COL5A1: variants seen among roughly 807,000 people sequenced by gnomAD.
The protein encoded by COL5A1 is collagen type V alpha 1 chain, also known as collagen alpha-1(V) chain.
Under a neutral mutation model 263.7 loss-of-function variants are expected in COL5A1, and 16 were observed. The ratio of observed to expected loss-of-function variants is 0.06; its 90% CI spans 0.04 to 0.09. COL5A1 has a LOEUF of 0.09. COL5A1 is among the 10% of genes least tolerant of loss of function. COL5A1 has a pLI of 1.00. For missense variants in COL5A1, 2,036 were observed against 2,540.5 expected (o/e 0.80, Z 4.27); for synonymous variants, 1,012 against 1,004.5 (o/e 1.01, Z -0.14).
At chr9:134,778,918 C>T (rs1299923203) in intron 27 of COL5A1, among the ~76,000 whole-genome samples, 7 of 152,242 alleles carry the variant, frequency 4.6e-5, no homozygotes, top group Non-Finnish European at 8.8e-5. Context: ...CAGTTACATC[C>T]GCAGCTCCTT....
rs183881247 is a variant in COL5A1, at chr9:134,814,046, C to T, written c.3906+10C>T. On this transcript the variant is annotated intron_variant, in intron 49 of 65. Coordinates refer to ENST00000371817, the MANE Select transcript of COL5A1 (RefSeq NM_000093.5). ...AGAAGGCGGCCCCCCGGTGAGTGAGCGGGCGCTGCGGGAGGGGTGGGATAT... is the reference window on the plus strand; with the variant it reads ...AGAAGGCGGCCCCCCGGTGAGTGAGTGGGCGCTGCGGGAGGGGTGGGATAT... The T allele has an allele frequency of 3.4e-4, 528 of 1,550,382 alleles. No individual in the cohort carries two copies. The highest frequency in any genetic ancestry group is 1.0e-3 in the Middle Eastern group (6 of 5,990).
At position 134,686,636 on chromosome 9, in the gene COL5A1, C is replaced by G. The variant is rs1018541506; in HGVS notation, c.110-4276C>G. ...CCTTTATAGGTCTGGGGACCTGATG[C>G]CTGGTTATATCCTCATGAAAATGGG... is the stretch of plus-strand genomic sequence containing the variant. On this transcript the variant is annotated intron_variant, in intron 1 of 65. Transcript: ENST00000371817. The surrounding 1 kb of genome is among the most constrained non-coding windows in gnomAD (Gnocchi z 4.6). Among the ~76,000 whole-genome samples, 8 of 152,114 alleles carry G rather than the reference C, an allele frequency of 5.3e-5. No individual in the cohort carries two copies. The highest frequency in any genetic ancestry group is 2.1e-4 in the South Asian group (1 of 4,818).
At position 134,680,265 on chromosome 9, in the gene COL5A1, A is replaced by G. The variant is rs1422036351; in HGVS notation, c.110-10647A>G. Among the ~76,000 whole-genome samples the G allele has an allele frequency of 1.3e-5, 2 of 152,134 alleles. No individual in the cohort carries two copies. The highest frequency in any genetic ancestry group is 6.5e-5 in the Admixed American group (1 of 15,284). ...ACATAGAGCCTCCAGGCCCGGCTACAGGCCATTTTCTCACCCTGTGAAACA... is the reference window on the plus strand; with the variant it reads ...ACATAGAGCCTCCAGGCCCGGCTACGGGCCATTTTCTCACCCTGTGAAACA... On this transcript the variant is annotated intron_variant, in intron 1 of 65. Transcript: ENST00000371817. This position sits in a 1 kb window ranked among gnomAD's most constrained non-coding sequence, Gnocchi z 5.9.
chr9:134,692,290 C>T (rs1833313513), intron 2 of COL5A1, among the ~76,000 whole-genome samples: 1 of 152,186 alleles, frequency 6.6e-6, no homozygotes, highest in Non-Finnish European at 1.5e-5. Context: ...GGCTGTGGAT[C>T]CCCAGCCTCA....
intron 1 of COL5A1, among the ~76,000 whole-genome samples, chr9:134,667,782 T>G (rs1410431939): frequency 6.6e-6 from 1 of 152,182 alleles, no homozygotes; most frequent in Admixed American, 6.5e-5. Flanking sequence ...AGTGCCTGAC[T>G]CTAGGACAGG....
At chr9:134,684,122 G>T (rs1832941031) in intron 1 of COL5A1, among the ~76,000 whole-genome samples, 1 of 152,214 alleles carries the variant, frequency 6.6e-6, no homozygotes, top group South Asian at 2.1e-4. Flanking sequence ...AAGGGGAGGG[G>T]CTGCTGAGCC....
chr9:134,753,766 G>GCCCCC, intron 14 of COL5A1, 84 bp from the exon 15 acceptor site: 3 of 615,310 alleles, frequency 4.9e-6, no homozygotes, highest in Admixed American at 2.1e-5. Flanking sequence ...CCCTCCCCCT[G>GCCCCC]CCCCTCCCCT....
At chr9:134,806,912 G>A (rs1838315993) in intron 42 of COL5A1, among the ~76,000 whole-genome samples, 1 of 152,180 alleles carries the variant, frequency 6.6e-6, no homozygotes, top group Non-Finnish European at 1.5e-5. Context: ...GGTAAGCCCC[G>A]AATTTTGCAG....
At chr9:134,707,326 C>T (rs1290576300) in intron 4 of COL5A1, among the ~76,000 whole-genome samples, 1 of 152,218 alleles carries the variant, frequency 6.6e-6, no homozygotes, top group African/African-American at 2.4e-5. Context: ...AAAGTGATGG[C>T]GTCGGCTCCA....
intron 27 of COL5A1, among the ~76,000 whole-genome samples, chr9:134,775,974 G>C (rs1327337910): frequency 2.0e-5 from 3 of 152,162 alleles, no homozygotes; most frequent in East Asian, 3.8e-4. Context: ...CCTGCTCTGA[G>C]AGCCCAAGAC....
intron 30 of COL5A1, among the ~76,000 whole-genome samples, chr9:134,785,764 C>G (rs1023331080): frequency 6.6e-6 from 1 of 152,216 alleles, no homozygotes; most frequent in African/African-American, 2.4e-5. Context: ...CAGGGGCCTT[C>G]GCTTCTTCCT....
chr9:134,814,315 T>A (rs1012676264), intron 49 of COL5A1, among the ~76,000 whole-genome samples: 2 of 152,194 alleles, frequency 1.3e-5, no homozygotes, highest in Non-Finnish European at 2.9e-5. Flanking sequence ...GGGCAGCTGC[T>A]GTCACCTCGT....
chr9:134,808,516 A>T (rs1588573683), intron 42 of COL5A1, among the ~76,000 whole-genome samples: 1 of 152,272 alleles, frequency 6.6e-6, no homozygotes, highest in East Asian at 1.9e-4. Flanking sequence ...CATACATGTC[A>T]GTGTGCTTCT....
chr9:134,727,775 G>T (rs984043613), intron 5 of COL5A1, among the ~76,000 whole-genome samples: 2 of 152,166 alleles, frequency 1.3e-5, no homozygotes, highest in African/African-American at 2.4e-5. Context: ...AGAGGACGGA[G>T]CCTGGGCTTG....
intron 46 of COL5A1, 39 bp from the exon 47 acceptor site, chr9:134,812,410 G>T: frequency 6.2e-7 from 1 of 1,607,626 alleles, no homozygotes; most frequent in South Asian, 1.1e-5. Context: ...ACATACACAT[G>T]ACAGAACAGC....
At chr9:134,645,539 G>A (rs571483095) in intron 1 of COL5A1, among the ~76,000 whole-genome samples, 1 of 152,370 alleles carries the variant, frequency 6.6e-6, no homozygotes, top group South Asian at 2.1e-4. Flanking sequence ...CACGTGACGT[G>A]GCTCTGGGAA....
chr9:134,777,337 T>C (rs1407480007), intron 27 of COL5A1, among the ~76,000 whole-genome samples: 1 of 152,220 alleles, frequency 6.6e-6, no homozygotes, highest in Non-Finnish European at 1.5e-5. Flanking sequence ...CCGGGGCGGC[T>C]GGCCGGCCGA....
chr9:134,665,753 T>C lies in COL5A1; in HGVS notation c.109+23457T>C, dbSNP rs577070098. Among the ~76,000 whole-genome samples, 44 of 152,312 alleles carry C rather than the reference T, an allele frequency of 2.9e-4. 1 individual carries two copies. In the East Asian group the frequency reaches 8.3e-3, roughly 29 times the overall value. On this transcript the variant is annotated intron_variant, in intron 1 of 65. Transcript: ENST00000371817. ...TTCCAGCAAGCAAGCAGCTGGCCTT[T>C]GGCTGAAATGACTTAGTCAATTAAA...
intron 4 of COL5A1, among the ~76,000 whole-genome samples, chr9:134,705,324 A>G (rs1833802570): frequency 6.6e-6 from 1 of 152,222 alleles, no homozygotes; most frequent in Non-Finnish European, 1.5e-5. Context: ...CTGGGTATAG[A>G]CGCGGAGCCT....
Sources: allele counts gnomAD v4.1 joint callset (sites outside exome capture counted in the v4.1 genomes callset), GRCh38; gene constraint gnomAD v4.1.1; non-coding constraint Gnocchi (gnomAD v3.1); transcripts MANE v1.5; gene names NCBI Gene and HGNC (gene_info 2026-07-23, HGNC 2026-07-21).